Variants in PROX2 observed in about 807,000 individuals in gnomAD.
PROX2 encodes prospero homeobox 2.
A neutral mutation model predicts 48.9 loss-of-function variants in PROX2; 46 were observed. The ratio of observed to expected loss-of-function variants is 0.94; its 90% confidence interval spans 0.74 to 1.20. PROX2 has a LOEUF of 1.20. Among genes scored for constraint, PROX2 ranks in the 50% most tolerant of loss-of-function variants. The pLI is 0.00. For synonymous variants in PROX2, 260 were observed against 276.6 expected (o/e 0.94, Z 0.60); for missense variants, 663 against 719.4 (o/e 0.92, Z 0.90).
intron 3 of PROX2, among the ~76,000 whole-genome samples, chr14:74,860,223 C>T (rs562996030): frequency 2.6e-5 from 4 of 152,142 alleles, no homozygotes; most frequent in Non-Finnish European, 4.4e-5. Flanking sequence ...AAAGATAATA[C>T]GATGTGTGTA....
intron 3 of PROX2, among the ~76,000 whole-genome samples, chr14:74,862,131 A>T (rs2091798817): frequency 6.6e-6 from 1 of 152,222 alleles, no homozygotes; most frequent in Non-Finnish European, 1.5e-5. Flanking sequence ...AACATTAAGA[A>T]GACCCTGAGT....
chr14:74,866,301 G>GC (rs1333941165), intron 2 of PROX2, among the ~76,000 whole-genome samples: 1 of 152,150 alleles, frequency 6.6e-6, no homozygotes, highest in Non-Finnish European at 1.5e-5. Context: ...GTAGAAATAA[G>GC]CCTGGGGTTC....
In PROX2 at chr14:74,854,582, C is replaced by T. The variant is rs1268659220; in HGVS notation, c.*550G>A. 6.5e-6 allele frequency: 1 copy of T among 153,494 alleles called. No homozygotes were observed. The highest frequency in any genetic ancestry group is 2.4e-5 in the African/African-American group (1 of 41,452). The allele number at this position is 153,494 out of a possible 1,614,324, so 9.5% of individuals were successfully genotyped here. A position where few individuals can be genotyped will look rare whatever the true frequency, so the allele number is the denominator to read the frequency against. On this transcript the variant is annotated 3_prime_UTR_variant, in exon 6 of 6. Transcript: ENST00000556489. ...TGCAGTTCTAAAGCTTCTGTTTGGTCATCTTTTAAATGATGATAATAACTA... is the reference window on the plus strand; with the variant it reads ...TGCAGTTCTAAAGCTTCTGTTTGGTTATCTTTTAAATGATGATAATAACTA...
intron 2 of PROX2, chr14:74,865,159 A>G (rs1468619910): frequency 3.7e-5 from 4 of 107,978 alleles, no homozygotes; most frequent in African/African-American, 1.2e-4. Context: ...AAAAAAAGAA[A>G]AAGAAAAAAA....
In PROX2 at chr14:74,863,252, C is replaced by G. The variant is rs2091813162; in HGVS notation, c.583G>C (p.Gly195Arg). 1.2e-6 allele frequency: 2 copies of G among 1,613,878 alleles called. No homozygotes were observed. Among genetic ancestry groups the G allele is most frequent in the Non-Finnish European group, 1.7e-6 (2 of 1,179,816 alleles). The stretch of plus-strand genomic sequence containing the variant: ...GCCCCAGAGAGGTCCTTGCTGGTAC[C>G]TTGCTGGTGGTCACCGTCCACAACC... ...PWVVDGDHQQ[G>R]TSKDLSGAEK... The change falls in exon 3 of 6, where the codon GGT becomes CGT. Residue 195 changes from glycine (G) to arginine (R), a missense_variant. By Grantham distance (125) the Gly-to-Arg change is moderately radical (BLOSUM62 -2). Coordinates refer to ENST00000556489, the MANE Select transcript of PROX2 (RefSeq NM_001243007.2).
At position 74,863,793 on chromosome 14, in the gene PROX2, G is replaced by C. The variant is rs371967421; in HGVS notation, c.42C>G (p.Ile14Met). 6.6e-7 allele frequency: 1 copy of C among 1,518,314 alleles called. No individual in the cohort carries two copies. The highest frequency in any genetic ancestry group is 8.8e-7 in the Non-Finnish European group (1 of 1,137,360). The allele number at this position is 1,518,314 out of a possible 1,614,324, so 94.1% of individuals were successfully genotyped here. ...TACAAGCTTCTGCTAGGTGGGAGCAGATCTGGGGCTGAGGAGAAAGCAAGA... is the reference window on the plus strand; with the variant it reads ...TACAAGCTTCTGCTAGGTGGGAGCACATCTGGGGCTGAGGAGAAAGCAAGA... ...NSILLSPQPQ[I>M]CSHLAEACTE... Residue 14 changes from isoleucine (I) to methionine (M), a missense_variant, in exon 3 of 6, where the codon ATC becomes ATG. By Grantham distance (10) the Ile-to-Met change is conservative (BLOSUM62 1). Coordinates refer to ENST00000556489, the MANE Select transcript of PROX2 (RefSeq NM_001243007.2).
Position 74,862,929 on chromosome 14 carries a change from ATT to A in PROX2, c.904_905del (p.Asn302PhefsTer11). The A allele has an allele frequency of 6.2e-7, 1 of 1,613,834 alleles. No individual in the cohort carries two copies. Among genetic ancestry groups the A allele is most frequent in the African/African-American group, 1.3e-5 (1 of 74,980 alleles). Reference protein sequence around the residue: ...VQLQAGVPVGNLSLAKRLDSP... With the variant: ...VQLQAGVPVGXLSLAKRLDSP... ...AATCTAGACGCTTGGCCAGTGATAA[ATT>A]TCCTACTGGGACCCCAGCTTGTAGC... On this transcript the variant is annotated frameshift_variant, in exon 3 of 6. Transcript: ENST00000556489. LOFTEE classifies it high-confidence loss of function.
chr14:74,855,348 G>T, intron 5 of PROX2, 46 bp from the exon 6 acceptor site: 5 of 1,463,194 alleles, frequency 3.4e-6, no homozygotes, highest in Non-Finnish European at 4.6e-6. Context: ...CGTGAGGTTG[G>T]GAAGCACTGG....
Position 74,863,541 on chromosome 14 carries a change from C to T in PROX2, c.294G>A (p.Lys98=). ...TCTGCTTCCTCTTCCTCTCTCGGGC[C>T]TTCTTTGGGCAGCGTGGGCTGACCC... The part of the protein sequence containing the change: ...QAGVSPRCPK[K]ARERKRKQNL... Residue 98 remains lysine, a synonymous_variant, in exon 3 of 6, where the codon AAG becomes AAA. Coordinates refer to ENST00000556489, the MANE Select transcript of PROX2 (RefSeq NM_001243007.2). 1 of 1,613,596 alleles carries T rather than the reference C, an allele frequency of 6.2e-7. No homozygotes were observed. Among genetic ancestry groups the T allele is most frequent in the Non-Finnish European group, 8.5e-7 (1 of 1,179,716 alleles).
Position 74,863,202 on chromosome 14 carries a change from C to T in PROX2, c.633G>A (p.Lys211=). 6.2e-7 allele frequency: 1 copy of T among 1,614,030 alleles called. No homozygotes were observed. The highest frequency in any genetic ancestry group is 8.5e-7 in the Non-Finnish European group (1 of 1,179,890). ...SGAEKHQESE[K]PSFLPSGAPA... is the part of the protein sequence containing the mutation. ...GTGCTCCAGAAGGAAGGAAACTGGG[C>T]TTCTCAGACTCTTGGTGTTTTTCTG... The change falls in exon 3 of 6, where the codon AAG becomes AAA. Residue 211 remains lysine, a synonymous_variant. Transcript: ENST00000556489.
intron 3 of PROX2, among the ~76,000 whole-genome samples, chr14:74,860,460 G>A (rs79403084): frequency 7.6e-4 from 115 of 152,212 alleles, no homozygotes; most frequent in Non-Finnish European, 1.2e-3. Context: ...GCTAAGTGGT[G>A]GTGGGCACAT....
intron 4 of PROX2, 191 bp downstream of exon 4, chr14:74,858,216 C>A: frequency 2.1e-6 from 1 of 482,764 alleles, no homozygotes; most frequent in Non-Finnish European, 3.7e-6. Context: ...AGACAGCCAG[C>A]CTTTCTAGCC....
chr14:74,868,225 C>G (rs1458451389), intron 2 of PROX2, among the ~76,000 whole-genome samples: 2 of 149,920 alleles, frequency 1.3e-5, no homozygotes, highest in East Asian at 2.0e-4. Context: ...TAATGCCACT[C>G]CCAGAGAAAA....
Position 74,863,161 on chromosome 14 carries a change from ATC to A in PROX2, c.672_673del (p.Glu224AspfsTer44), listed in dbSNP as rs779963019. The A allele has an allele frequency of 4.3e-5, 69 of 1,613,882 alleles. No homozygotes were observed. The highest frequency in any genetic ancestry group is 4.9e-5 in the Non-Finnish European group (58 of 1,179,890). On this transcript the variant is annotated frameshift_variant, in exon 3 of 6. Transcript: ENST00000556489. LOFTEE classifies it high-confidence loss of function. Reference sequence around the variant, plus strand: ...TGCCCTGGTCAGCTCTTTCCTCAGAATCTCTAGTGAAGCTGGTGCTCCAGAAG... The same window carrying A: ...TGCCCTGGTCAGCTCTTTCCTCAGAATCTAGTGAAGCTGGTGCTCCAGAAG...
rs1364955373 is a variant in PROX2 at position 74,853,725 on chromosome 14, C to T, written c.*1407G>A. On this transcript the variant is annotated 3_prime_UTR_variant, in exon 6 of 6. Coordinates refer to ENST00000556489, the MANE Select transcript of PROX2 (RefSeq NM_001243007.2). ...AAAGAAGCTAATGAACTCACAGACA[C>T]CCCTTATCAGGACTACAAAGCCCGA... 2.0e-5 allele frequency: 3 copies of T among 152,176 alleles called. No homozygotes were observed. The highest frequency in any genetic ancestry group is 4.8e-5 in the African/African-American group (2 of 41,426). 9.4% of individuals were successfully genotyped at this position (152,176 alleles called of 1,614,324 possible).
chr14:74,864,544 T>C (rs987849636), intron 2 of PROX2, among the ~76,000 whole-genome samples: 9 of 152,190 alleles, frequency 5.9e-5, no homozygotes, highest in African/African-American at 1.9e-4. Context: ...AAGGCACTTC[T>C]AGAAATAGCA....
rs754981907 is a variant in PROX2, at chr14:74,862,566, A to G, written c.1269T>C (p.His423=). ...AGAAAGGCAGTGCCTCCATGACAGC[A>G]TGCAGGCCTCTCTGTTCCATCTTCA... The part of the protein sequence containing the change: ...PSVKMEQRGL[H]AVMEALPFSL... Residue 423 remains histidine, a synonymous_variant, in exon 3 of 6, where the codon CAT becomes CAC. Transcript: ENST00000556489. The G allele has an allele frequency of 8.1e-6, 13 of 1,613,808 alleles. No individual in the cohort carries two copies. The African/African-American group carries it at 1.5e-4, about 18-fold the overall frequency.
intron 4 of PROX2, 150 bp downstream of exon 4, chr14:74,858,257 C>T: frequency 1.8e-6 from 1 of 547,746 alleles, no homozygotes. Flanking sequence ...TGGGTAGAGT[C>T]TCAGCCCAGA....
intron 3 of PROX2, chr14:74,858,783 TG>T (rs2091768917): frequency 6.1e-6 from 1 of 163,736 alleles, no homozygotes; most frequent in Non-Finnish European, 1.1e-5. Flanking sequence ...GTATTTTGTG[TG>T]TGTGTGTGTG....
Sources: gnomAD v4.1 joint callset for allele counts (sites outside exome capture counted in the v4.1 genomes callset) on GRCh38, gnomAD v4.1.1 for gene constraint, MANE v1.5 for transcripts, NCBI Gene and HGNC (gene_info 2026-07-23, HGNC 2026-07-21) for gene names.